The following IFT43 variants were observed in gnomAD, a reference collection of about 807,000 sequenced individuals.
IFT43 encodes the protein intraflagellar transport protein 43 homolog.
In IFT43, 33 loss-of-function variants were observed where a neutral mutation model predicts 32.3. The ratio of observed to expected loss-of-function variants is 1.02; its 90% CI spans 0.77 to 1.37. The LOEUF is 1.37. IFT43 is among the 40% of genes most tolerant of loss of function. The probability of loss-of-function intolerance (pLI) is 0.00; values close to 1 mark genes in which losing one functional copy is unlikely to be tolerated. For missense variants in IFT43, 274 were observed against 265.9 expected (o/e 1.03, Z -0.21); for synonymous variants, 93 against 98.2 (o/e 0.95, Z 0.31).
chr14:76,063,916 A>G (rs2140064270), intron 5 of IFT43, among the ~76,000 whole-genome samples: 1 of 152,328 alleles, frequency 6.6e-6, no homozygotes, highest in Non-Finnish European at 1.5e-5. Context: ...GCATGAATTT[A>G]AGTAAGCTCC....
chr14:76,014,198 T>C (rs908654594), intron 2 of IFT43: 50 of 214,960 alleles, frequency 2.3e-4, no homozygotes, highest in African/African-American at 1.1e-3. Flanking sequence ...AAGCAGTGCA[T>C]TCAGGACTCT....
At chr14:76,078,554 A>C (rs1332876144) in intron 5 of IFT43, among the ~76,000 whole-genome samples, 1 of 152,100 alleles carries the variant, frequency 6.6e-6, no homozygotes, top group East Asian at 1.9e-4. Context: ...ATGAACAAGC[A>C]GACAGATGGA....
Position 76,041,198 on chromosome 14 carries a change from G to A in IFT43, c.216-17444G>A, listed in dbSNP as rs577922674. Among the ~76,000 whole-genome samples, 10 of 152,304 alleles carry A rather than the reference G, an allele frequency of 6.6e-5. No homozygotes were observed. In the South Asian group the frequency reaches 1.2e-3, roughly 19 times the overall value. ...TGTCCTGTGAAGGCTTTGACTTTTG[G>A]CCCTTTACAGTTCTAGTTTTGCAGA... On this transcript the variant is annotated intron_variant, in intron 3 of 8. Transcript: ENST00000314067.
intron 3 of IFT43, 25 bp from the exon 4 acceptor site, chr14:76,058,617 C>A: frequency 6.3e-7 from 1 of 1,598,774 alleles, no homozygotes; most frequent in South Asian, 1.1e-5. Context: ...TCTCAAAAAC[C>A]TTGTCTTTTC....
At chr14:76,074,197 C>T (rs551909048) in intron 5 of IFT43, among the ~76,000 whole-genome samples, 8 of 152,236 alleles carry the variant, frequency 5.3e-5, no homozygotes, top group Admixed American at 4.6e-4. Context: ...CTTCCACTGG[C>T]GGCTCTGAGA....
chr14:75,997,835 G>A (rs762988108), intron 2 of IFT43, among the ~76,000 whole-genome samples: 2 of 152,156 alleles, frequency 1.3e-5, no homozygotes, highest in Non-Finnish European at 2.9e-5. Flanking sequence ...CCTCATAACT[G>A]GTCCCTCCTC....
intron 5 of IFT43, among the ~76,000 whole-genome samples, chr14:76,072,409 C>G (rs1352595486): frequency 6.6e-6 from 1 of 152,190 alleles, no homozygotes; most frequent in Non-Finnish European, 1.5e-5. Flanking sequence ...GAGTCCCTAA[C>G]TATGCCCTGA....
At chr14:76,050,071 T>C (rs1365846717) in intron 3 of IFT43, among the ~76,000 whole-genome samples, 1 of 152,116 alleles carries the variant, frequency 6.6e-6, no homozygotes, top group African/African-American at 2.4e-5. Context: ...GCCTCTGACC[T>C]CTGTTCGAGT....
At chr14:76,047,335 G>A (rs1219712755) in intron 3 of IFT43, among the ~76,000 whole-genome samples, 2 of 152,188 alleles carry the variant, frequency 1.3e-5, no homozygotes, top group South Asian at 2.1e-4. Context: ...CCTCTCTGAT[G>A]TGGGGAATAG....
At chr14:76,075,168 G>A (rs1051589664) in intron 5 of IFT43, among the ~76,000 whole-genome samples, 4 of 152,182 alleles carry the variant, frequency 2.6e-5, no homozygotes, top group South Asian at 2.1e-4. Flanking sequence ...CGCATGCTGC[G>A]TATGGTCAGT....
chr14:76,059,977 C>T (rs1414305415), intron 5 of IFT43, among the ~76,000 whole-genome samples: 1 of 152,174 alleles, frequency 6.6e-6, no homozygotes, highest in Non-Finnish European at 1.5e-5. Flanking sequence ...GACCTCTAAG[C>T]TTCTTGATGG....
Position 76,082,601 on chromosome 14 carries a change from T to A in IFT43, c.369-16T>A. ...CCTGCCTGGGGTTCCCGCCTCTCGC[T>A]CTCTCTTTCCTTCAGCATCCAGATA... On this transcript the variant is annotated splice_polypyrimidine_tract_variant and intron_variant, in intron 6 of 8. Coordinates refer to ENST00000314067, the MANE Select transcript of IFT43 (RefSeq NM_001102564.3). The A allele has an allele frequency of 1.2e-6, 2 of 1,614,128 alleles. No homozygotes were observed. Among genetic ancestry groups the A allele is most frequent in the Non-Finnish European group, 1.7e-6 (2 of 1,180,018 alleles).
chr14:76,022,509 A>G (rs758213297), intron 3 of IFT43, 115 bp downstream of exon 3: 11 of 667,682 alleles, frequency 1.6e-5, no homozygotes, highest in Non-Finnish European at 3.0e-5. Flanking sequence ...TTTATATACC[A>G]TACAATTCAC....
At chr14:76,015,599 A>T (rs73311126) in intron 2 of IFT43, among the ~76,000 whole-genome samples, 12,484 of 152,222 alleles carry the variant, frequency 0.082, 1,003 homozygotes, top group African/African-American at 0.2. Context: ...GTTAAACTGT[A>T]TTGGCTTTGG....
At chr14:76,047,781 T>C (rs1458109504) in intron 3 of IFT43, among the ~76,000 whole-genome samples, 1 of 150,694 alleles carries the variant, frequency 6.6e-6, no homozygotes, top group African/African-American at 2.4e-5. Context: ...CACACTACAC[T>C]GTCTTGATTG....
chr14:76,011,282 T>A (rs945336114), intron 2 of IFT43, among the ~76,000 whole-genome samples: 2 of 152,196 alleles, frequency 1.3e-5, no homozygotes, highest in Non-Finnish European at 1.5e-5. Context: ...GTTTCCCACA[T>A]CCTGGGTTTG....
At chr14:76,077,401 T>A (rs990279676) in intron 5 of IFT43, among the ~76,000 whole-genome samples, 1 of 152,234 alleles carries the variant, frequency 6.6e-6, no homozygotes, top group African/African-American at 2.4e-5. Flanking sequence ...AAGGTTGACA[T>A]GGCTCTTCTG....
chr14:76,003,608 G>T (rs1425856997), intron 2 of IFT43, among the ~76,000 whole-genome samples: 4 of 150,590 alleles, frequency 2.7e-5, no homozygotes, highest in African/African-American at 9.8e-5. Context: ...CTCCAGCCTG[G>T]GCTACAGAGC....
chr14:76,076,546 G>T (rs145777837), intron 5 of IFT43: 10 of 1,610,814 alleles, frequency 6.2e-6, no homozygotes, highest in African/African-American at 4.0e-5. Flanking sequence ...AGTGCTTGGG[G>T]TATACTCATT....
Sources: gnomAD v4.1 joint callset for allele counts (sites outside exome capture counted in the v4.1 genomes callset) on GRCh38, gnomAD v4.1.1 for gene constraint, MANE v1.5 for transcripts, NCBI Gene and HGNC (gene_info 2026-07-23, HGNC 2026-07-21) for gene names.